DOCK8: variants seen among roughly 807,000 people sequenced by gnomAD.
DOCK8 encodes dedicator of cytokinesis protein 8.
A neutral mutation model predicts 245.6 loss-of-function variants in DOCK8; 141 were observed. That is an observed-to-expected ratio of 0.57 (90% confidence interval 0.50 to 0.66). DOCK8 has a LOEUF of 0.66. DOCK8 is among the 30% of genes least tolerant of loss of function. The probability of loss-of-function intolerance (pLI) is 0.00; values close to 1 mark genes in which losing one functional copy is unlikely to be tolerated. For missense variants in DOCK8, 2,965 were observed against 2,603.4 expected, an observed-to-expected ratio of 1.14 and a Z score of -3.02; for synonymous variants, 1,168 against 970.2, an observed-to-expected ratio of 1.20 and a Z score of -3.79.
chr9:273,562 A>G (rs1003779383), intron 2 of DOCK8, among the ~76,000 whole-genome samples: 1 of 152,214 alleles, frequency 6.6e-6, no homozygotes, highest in African/African-American at 2.4e-5. Context: ...TTTTTTAAAA[A>G]GTAAATGAAG....
chr9:448,177 C>T (rs547902626), intron 44 of DOCK8, among the ~76,000 whole-genome samples: 1 of 152,138 alleles, frequency 6.6e-6, no homozygotes, highest in East Asian at 1.9e-4. Flanking sequence ...ACTGCAGCCT[C>T]GACCTCCTGG....
chr9:338,180 A>G (rs532406178), intron 12 of DOCK8, among the ~76,000 whole-genome samples: 2 of 151,944 alleles, frequency 1.3e-5, no homozygotes, highest in South Asian at 4.2e-4. Flanking sequence ...AAGAGGTAAT[A>G]TGGTAATTTT....
At chr9:277,751 C>G (rs1316019604) in intron 2 of DOCK8, among the ~76,000 whole-genome samples, 1 of 151,970 alleles carries the variant, frequency 6.6e-6, no homozygotes, top group African/African-American at 2.4e-5. Flanking sequence ...ACGGCTCTGA[C>G]TGAAGAAAAG....
intron 14 of DOCK8, among the ~76,000 whole-genome samples, 200 bp from the exon 15 acceptor site, chr9:367,818 C>T (rs900429887): frequency 3.3e-5 from 5 of 152,016 alleles, no homozygotes; most frequent in African/African-American, 7.2e-5. Context: ...AAACAGAGAG[C>T]GATGGGGGTT....
chr9:344,850 G>A (rs111366764), intron 14 of DOCK8, among the ~76,000 whole-genome samples: 36 of 152,146 alleles, frequency 2.4e-4, no homozygotes, highest in African/African-American at 7.2e-4. Flanking sequence ...TCAAGAGTTC[G>A]AGACCAGCCT....
chr9:427,396 G>T (rs1376730523), intron 34 of DOCK8, among the ~76,000 whole-genome samples: 1 of 152,156 alleles, frequency 6.6e-6, no homozygotes, highest in Non-Finnish European at 1.5e-5. Flanking sequence ...ACTAGGCTAG[G>T]TAAAAAGAGT....
chr9:215,160 G>A, intron 1 of DOCK8, 131 bp downstream of exon 1: 2 of 1,493,180 alleles, frequency 1.3e-6, no homozygotes, highest in Non-Finnish European at 1.8e-6. Context: ...TGAGACCTGG[G>A]GCGCCCGGTT....
intron 4 of DOCK8, among the ~76,000 whole-genome samples, chr9:300,000 C>T (rs926329999): frequency 1.9e-4 from 27 of 140,690 alleles, no homozygotes; most frequent in Non-Finnish European, 2.7e-4. Flanking sequence ...CCAGCCTGGG[C>T]GACAGTGAGA....
chr9:380,037 G>C, intron 21 of DOCK8, 102 bp downstream of exon 21: 1 of 1,307,392 alleles, frequency 7.6e-7, no homozygotes, highest in Admixed American at 2.0e-5. Flanking sequence ...GGGTGCAGGG[G>C]CTCACATCTG....
rs1410775691 is a variant in DOCK8, at chr9:441,430, C to T, written c.5355+13C>T. On this transcript the variant is annotated intron_variant, in intron 41 of 47. Transcript: ENST00000432829. ...CATCGTTAACAAGGTAGCCGGGGAG[C>T]CTGGCTGGCAGGTCTTGTTACCTGG... 3 of 1,614,006 alleles carry T rather than the reference C, an allele frequency of 1.9e-6. No homozygotes were observed. Among genetic ancestry groups the T allele is most frequent in the African/African-American group, 1.3e-5 (1 of 74,932 alleles).
chr9:286,553 C>T lies in DOCK8; in HGVS notation c.249C>T (p.Leu83=), dbSNP rs370609644. 4.9e-5 allele frequency: 79 copies of T among 1,613,912 alleles called. No homozygotes were observed. Among genetic ancestry groups the T allele is most frequent in the African/African-American group, 9.3e-5 (7 of 74,980 alleles). ...NSLDVQLAQE[L]GDFTDDDLDV... is the part of the protein sequence containing the mutation. Reference sequence around the variant, plus strand: ...TGGATGTGCAGCTTGCCCAGGAGCTCGGGGACTTCACTGATGACGACTTGG... The same window carrying T: ...TGGATGTGCAGCTTGCCCAGGAGCTTGGGGACTTCACTGATGACGACTTGG... Residue 83 remains leucine (L), a synonymous_variant, in exon 3 of 48, where the codon CTC becomes CTT. Coordinates refer to ENST00000432829, the MANE Select transcript of DOCK8 (RefSeq NM_203447.4).
At chr9:264,029 C>T (rs1391102799) in intron 1 of DOCK8, among the ~76,000 whole-genome samples, 1 of 152,194 alleles carries the variant, frequency 6.6e-6, no homozygotes. Context: ...GCTCCAGTTT[C>T]ATCTCTCCTC....
intron 23 of DOCK8, 151 bp downstream of exon 23, chr9:386,577 C>G (rs1051011547): frequency 4.3e-5 from 30 of 696,198 alleles, no homozygotes; most frequent in Admixed American, 3.1e-4. Context: ...TTTTGCAGCC[C>G]TGTCCTTTAC....
chr9:346,207 C>T (rs537350308), intron 14 of DOCK8, among the ~76,000 whole-genome samples: 3 of 152,238 alleles, frequency 2.0e-5, no homozygotes, highest in South Asian at 2.1e-4. Context: ...CCAAGCTTGG[C>T]GTTCCTTGCT....
intron 1 of DOCK8, among the ~76,000 whole-genome samples, chr9:229,112 A>G (rs2047050010): frequency 6.6e-6 from 1 of 152,188 alleles, no homozygotes. Flanking sequence ...TCATAAGGCA[A>G]CTCAGCTTCA....
chr9:417,976 T>C (rs529175035), intron 29 of DOCK8, 92 bp from the exon 30 acceptor site: 4 of 1,538,398 alleles, frequency 2.6e-6, no homozygotes, highest in East Asian at 2.3e-5. Context: ...GTGCTGACTT[T>C]AGTGACTGAG....
intron 23 of DOCK8, among the ~76,000 whole-genome samples, chr9:389,170 A>G (rs2054081278): frequency 6.6e-6 from 1 of 152,230 alleles, no homozygotes; most frequent in Non-Finnish European, 1.5e-5. Flanking sequence ...TTTCTATTTT[A>G]GGACCAGGAC....
intron 28 of DOCK8, among the ~76,000 whole-genome samples, chr9:408,019 C>G (rs2055522051): frequency 6.6e-6 from 1 of 152,314 alleles, no homozygotes; most frequent in East Asian, 1.9e-4. Flanking sequence ...TTCCCAGTCC[C>G]TTCCCAGGAC....
At chr9:269,552 C>G (rs895960097) in intron 1 of DOCK8, among the ~76,000 whole-genome samples, 1 of 104,988 alleles carries the variant, frequency 9.5e-6, no homozygotes, top group African/African-American at 3.6e-5. Flanking sequence ...GTGTGGTTGT[C>G]TTTTTTTTTT....
Sources: allele counts gnomAD v4.1 joint callset (sites outside exome capture counted in the v4.1 genomes callset), GRCh38; gene constraint gnomAD v4.1.1; transcripts MANE v1.5; gene names NCBI Gene and HGNC (gene_info 2026-07-23, HGNC 2026-07-21).